Variants in SLC2A9 observed in about 807,000 individuals in gnomAD.
SLC2A9 encodes solute carrier family 2, facilitated glucose transporter member 9.
Under a neutral mutation model 50.6 loss-of-function variants are expected in SLC2A9, and 39 were observed. The observed-to-expected ratio is 0.77, with a 90% CI of 0.60 to 1.01. The LOEUF is 1.01. Among genes scored for constraint, SLC2A9 ranks in the 50% least tolerant of loss-of-function variants. The pLI is 0.00. For synonymous variants in SLC2A9, 324 were observed against 276.9 expected, an observed-to-expected ratio of 1.17 and a Z score of -1.69; for missense variants, 686 against 677.6, an observed-to-expected ratio of 1.01 and a Z score of -0.14.
At chr4:9,883,854 G>A (rs1034634729) in intron 10 of SLC2A9, among the ~76,000 whole-genome samples, 75 of 152,236 alleles carry the variant, frequency 4.9e-4, no homozygotes, top group Middle Eastern at 3.2e-3. Context: ...CACTTTAGGA[G>A]AGGCTGATGT....
intron 3 of SLC2A9, among the ~76,000 whole-genome samples, chr4:9,781,403 C>A (rs1351606268): frequency 1.3e-5 from 2 of 152,238 alleles, no homozygotes; most frequent in Non-Finnish European, 2.9e-5. Context: ...GGCTAAGGCT[C>A]CAGGGATGCG....
At chr4:10,006,710 A>G (rs1760839650) in intron 2 of SLC2A9, 1 of 152,132 alleles carries the variant, frequency 6.6e-6, no homozygotes, top group South Asian at 2.1e-4. Flanking sequence ...CCGGGCTTGC[A>G]TCTGGGAACT....
chr4:9,927,674 A>C (rs1040162462), intron 6 of SLC2A9, among the ~76,000 whole-genome samples: 2 of 152,200 alleles, frequency 1.3e-5, no homozygotes, highest in African/African-American at 4.8e-5. Flanking sequence ...GTGTGTTTTT[A>C]TTACCGACAG....
At chr4:9,940,938 A>C (rs1747999750) in intron 6 of SLC2A9, among the ~76,000 whole-genome samples, 1 of 152,256 alleles carries the variant, frequency 6.6e-6, no homozygotes, top group Non-Finnish European at 1.5e-5. Flanking sequence ...AGCAGATAAT[A>C]CTACGAACCT....
chr4:10,038,896 A>G (rs1306692385), intron 1 of SLC2A9, among the ~76,000 whole-genome samples: 1 of 152,214 alleles, frequency 6.6e-6, no homozygotes, highest in African/African-American at 2.4e-5. Context: ...GAGCAGGATC[A>G]ACATTTTTCT....
At chr4:9,960,012 A>G (rs1752004315) in intron 5 of SLC2A9, among the ~76,000 whole-genome samples, 2 of 152,240 alleles carry the variant, frequency 1.3e-5, no homozygotes, top group Admixed American at 6.5e-5. Context: ...AACCAGGGCT[A>G]ACTGGGTTAT....
intron 3 of SLC2A9, among the ~76,000 whole-genome samples, chr4:9,819,307 T>A (rs566865489): frequency 1.3e-4 from 20 of 152,276 alleles, no homozygotes; most frequent in South Asian, 8.3e-4. Context: ...AGCCATCTAT[T>A]GGAGTTCCCA....
intron 8 of SLC2A9, among the ~76,000 whole-genome samples, chr4:9,905,200 C>T (rs1469782656): frequency 1.3e-5 from 2 of 152,260 alleles, no homozygotes; most frequent in Non-Finnish European, 2.9e-5. Flanking sequence ...ACCACCCAAG[C>T]TCTGAATCAT....
intron 10 of SLC2A9, among the ~76,000 whole-genome samples, chr4:9,858,645 G>A (rs1372491940): frequency 6.6e-6 from 1 of 152,148 alleles, no homozygotes; most frequent in Admixed American, 6.5e-5. Context: ...ACTGATGAGG[G>A]CACAAGGTAA....
intron 11 of SLC2A9, among the ~76,000 whole-genome samples, chr4:9,828,183 TC>T (rs1269385887): frequency 6.6e-6 from 1 of 152,078 alleles, no homozygotes; most frequent in East Asian, 1.9e-4. Flanking sequence ...TCTCTCTCTC[TC>T]CCACCCACAT....
At chr4:9,839,765 G>C (rs1238958272) in intron 10 of SLC2A9, among the ~76,000 whole-genome samples, 1 of 152,094 alleles carries the variant, frequency 6.6e-6, no homozygotes, top group African/African-American at 2.4e-5. Context: ...TTATAAATGG[G>C]AGCTAAATGA....
At chr4:10,018,617 A>G (rs1423281693) in intron 2 of SLC2A9, among the ~76,000 whole-genome samples, 2 of 149,902 alleles carry the variant, frequency 1.3e-5, no homozygotes, top group African/African-American at 4.9e-5. Context: ...AAATCAAGAA[A>G]ATGTCCAAGT....
intron 10 of SLC2A9, among the ~76,000 whole-genome samples, chr4:9,852,994 T>C (rs1278067712): frequency 6.6e-6 from 1 of 152,122 alleles, no homozygotes; most frequent in East Asian, 1.9e-4. Flanking sequence ...CTGGCTAACA[T>C]GGTGATACCC....
rs538148177 is a variant in SLC2A9 at position 9,902,388 on chromosome 4, G to T, written c.1113+5847C>A. 7.3e-4 allele frequency among the ~76,000 whole-genome samples: 111 copies of T among 152,306 alleles called. 1 individual carries two copies. Among genetic ancestry groups the T allele is most frequent in the Non-Finnish European group, 1.4e-3 (95 of 68,030 alleles). The stretch of plus-strand genomic sequence containing the variant: ...GAAGAAGCATCCTGGCCTTGGGCTC[G>T]TCTTCTAGTCTTTGAGAGGTAGCAG... On this transcript the variant is annotated intron_variant, in intron 8 of 11. Transcript: ENST00000264784.
At chr4:9,783,343 C>A (rs780239142) in intron 3 of SLC2A9, 5 of 1,614,210 alleles carry the variant, frequency 3.1e-6, no homozygotes, top group East Asian at 4.5e-5. Flanking sequence ...ATCGCATGTT[C>A]CAGATCTATC....
At chr4:9,931,918 C>CTCTCTCTCTCTCTCTCTCTCTCTCAA (rs1746012364) in intron 6 of SLC2A9, among the ~76,000 whole-genome samples, 2 of 14,806 alleles carry the variant, frequency 1.4e-4, no homozygotes, top group African/African-American at 9.9e-4. Flanking sequence ...GAATGACTCT[C>CTCTCTCTCTCTCTCTCTCTCTCTCAA]TCTCTCTCTC....
chr4:10,016,996 C>A (rs1264668451), intron 2 of SLC2A9, among the ~76,000 whole-genome samples: 3 of 152,172 alleles, frequency 2.0e-5, no homozygotes, highest in Non-Finnish European at 4.4e-5. Flanking sequence ...TCCTAATATG[C>A]CACCATGTGG....
intron 10 of SLC2A9, among the ~76,000 whole-genome samples, chr4:9,853,933 T>C (rs1284206162): frequency 6.6e-6 from 1 of 151,956 alleles, no homozygotes; most frequent in Non-Finnish European, 1.5e-5. Context: ...AATAAAGAAA[T>C]TGATTGAAAT....
intron 7 of SLC2A9, among the ~76,000 whole-genome samples, chr4:9,911,195 T>C (rs978570101): frequency 6.6e-5 from 10 of 152,144 alleles, no homozygotes; most frequent in African/African-American, 2.4e-4. Context: ...CTTATATTCA[T>C]TCATGCACCA....
Sources: gnomAD v4.1 joint callset for allele counts (sites outside exome capture counted in the v4.1 genomes callset) on GRCh38, gnomAD v4.1.1 for gene constraint, MANE v1.5 for transcripts, NCBI Gene and HGNC (gene_info 2026-07-23, HGNC 2026-07-21) for gene names.